ATAD2: variants seen among roughly 807,000 people sequenced by gnomAD.
ATAD2 encodes ATPase family AAA domain-containing protein 2.
ATAD2 carries 62 observed loss-of-function variants against 168.9 expected under a neutral mutation model. The observed-to-expected ratio is 0.37, with a 90% CI of 0.30 to 0.45. The LOEUF is 0.45. ATAD2 is among the 20% of genes least tolerant of loss of function. The pLI is 1.00. For missense variants in ATAD2, 1,419 were observed against 1,667.8 expected, an observed-to-expected ratio of 0.85 and a Z score of 2.60; for synonymous variants, 613 against 571.6, an observed-to-expected ratio of 1.07 and a Z score of -1.03.
chr8:123,386,855 C>T (rs559941392), intron 1 of ATAD2, among the ~76,000 whole-genome samples: 11 of 150,868 alleles, frequency 7.3e-5, no homozygotes, highest in Middle Eastern at 3.4e-3. Context: ...GCATAGTGAA[C>T]GGCTTGTCAT....
intron 11 of ATAD2, among the ~76,000 whole-genome samples, chr8:123,358,367 CAG>C (rs1372645970): frequency 1.3e-5 from 2 of 151,130 alleles, no homozygotes; most frequent in Admixed American, 6.6e-5. Flanking sequence ...TTTTTTGAGA[CAG>C]AGTCTTGCTG....
chr8:123,378,437 C>T (rs1362627851), intron 2 of ATAD2, among the ~76,000 whole-genome samples: 2 of 152,116 alleles, frequency 1.3e-5, no homozygotes, highest in Non-Finnish European at 2.9e-5. Context: ...CGCAGTAGCT[C>T]ACACCTGTAA....
chr8:123,385,567 C>T (rs1210933515), intron 1 of ATAD2, among the ~76,000 whole-genome samples: 1 of 152,000 alleles, frequency 6.6e-6, no homozygotes, highest in East Asian at 1.9e-4. Context: ...AATTTAGGAA[C>T]TCTTAGGAGA....
intron 12 of ATAD2, 94 bp from the exon 13 acceptor site, chr8:123,356,571 T>C (rs1446284508): frequency 1.3e-6 from 1 of 749,586 alleles, no homozygotes. Flanking sequence ...CATTCAAATA[T>C]GCTTAACAGA....
chr8:123,334,587 A>G (rs971708212), intron 22 of ATAD2, among the ~76,000 whole-genome samples: 11 of 152,364 alleles, frequency 7.2e-5, no homozygotes, highest in Admixed American at 4.6e-4. Flanking sequence ...GAAAAAAAAA[A>G]GGAATCAATC....
intron 24 of ATAD2, among the ~76,000 whole-genome samples, chr8:123,330,466 G>A (rs1338221056): frequency 1.3e-5 from 2 of 152,016 alleles, no homozygotes; most frequent in African/African-American, 2.4e-5. Flanking sequence ...CTGGTCTCAC[G>A]CCATTCTCCT....
chr8:123,327,202 C>T (rs532810587), intron 25 of ATAD2, among the ~76,000 whole-genome samples: 8 of 152,274 alleles, frequency 5.3e-5, no homozygotes, highest in African/African-American at 1.9e-4. Context: ...CCACGCCTGA[C>T]CGTGAAGAGA....
At position 123,371,557 on chromosome 8, in the gene ATAD2, C is replaced by T. The variant is rs573663980; in HGVS notation, c.536+113G>A. ...GACCTCTGATAATCATTCTCCTGTA[C>T]GCTTTACGTAGTAGAATGCATTAAA... is the stretch of plus-strand genomic sequence containing the variant. On this transcript the variant is annotated intron_variant, in intron 4 of 27. Transcript: ENST00000287394. 9.0e-5 allele frequency: 86 copies of T among 958,018 alleles called. No homozygotes were observed. The African/African-American group carries it at 9.1e-4, about 10-fold the overall frequency. The allele number at this position is 958,018 out of a possible 1,614,324, so 59.3% of individuals were successfully genotyped here. A position where few individuals can be genotyped will look rare whatever the true frequency, so the allele number is the denominator to read the frequency against.
intron 25 of ATAD2, 152 bp downstream of exon 25, chr8:123,328,038 A>G: frequency 1.7e-6 from 1 of 586,506 alleles, no homozygotes; most frequent in Non-Finnish European, 2.6e-6. Flanking sequence ...TTACTAGCTC[A>G]ATAGTAAAGA....
chr8:123,380,373 G>A (rs1216342666), intron 2 of ATAD2, among the ~76,000 whole-genome samples, 156 bp downstream of exon 2: 1 of 152,044 alleles, frequency 6.6e-6, no homozygotes, highest in African/African-American at 2.4e-5. Context: ...TTTTAATTTA[G>A]TCATACTCAC....
At chr8:123,404,721 C>T (rs1006959119) in intron 1 of ATAD2, among the ~76,000 whole-genome samples, 4 of 152,098 alleles carry the variant, frequency 2.6e-5, no homozygotes, top group African/African-American at 9.7e-5. Context: ...CGCCCGCCAC[C>T]ACGCCTGGCT....
Position 123,346,660 on chromosome 8 carries a change from G to C in ATAD2, c.2303C>G (p.Ser768Cys), listed in dbSNP as rs766994411. Reference sequence around the variant, plus strand: ...ATTAAAATTGTCTTTTGCCTTATGAGAAGATTTCTGAGAAAGTCCATTTTC... The same window carrying C: ...ATTAAAATTGTCTTTTGCCTTATGACAAGATTTCTGAGAAAGTCCATTTTC... ...VYENGLSQKS[S>C]HKAKDNFNFL... The change falls in exon 17 of 28, where the codon TCT becomes TGT. Residue 768 changes from serine to cysteine, a missense_variant. By Grantham distance (112) the Ser-to-Cys change is moderately radical. Around this residue, in one of 5 missense-constraint regions of ATAD2, gnomAD observed 545 missense variants for 724.9 expected, o/e 0.75. Coordinates refer to ENST00000287394, the MANE Select transcript of ATAD2 (RefSeq NM_014109.4). 14 of 1,583,754 alleles carry C rather than the reference G, an allele frequency of 8.8e-6. No homozygotes were observed. The East Asian group carries it at 2.7e-4, about 31-fold the overall frequency.
At chr8:123,354,761 C>T (rs1227871061) in intron 13 of ATAD2, among the ~76,000 whole-genome samples, 3 of 138,450 alleles carry the variant, frequency 2.2e-5, no homozygotes, top group African/African-American at 8.2e-5. Flanking sequence ...TCGCTGGAAC[C>T]TGGGAGATGG....
Position 123,337,797 on chromosome 8 carries a change from G to C in ATAD2, c.2879C>G (p.Pro960Arg). ...TCTTGGCTCAGGTGGTGGTGCTACT[G>C]GGAGTACCTCCAAAGCCTGCAAAAC... is the stretch of plus-strand genomic sequence containing the variant. The part of the protein sequence containing the change: ...KAVLQALEVL[P>R]VAPPPEPRSL... The change falls in exon 21 of 28, where the codon CCA (proline) becomes CGA (arginine). Residue 960 changes from proline (P) to arginine (R), a missense_variant. This residue lies in a region of ATAD2 where 545 missense variants were observed against 724.9 expected (regional missense o/e 0.75). Transcript: ENST00000287394. 6.2e-7 allele frequency: 1 copy of C among 1,608,844 alleles called. No homozygotes were observed. Among genetic ancestry groups the C allele is most frequent in the Non-Finnish European group, 8.5e-7 (1 of 1,177,850 alleles).
At chr8:123,406,812 G>A (rs1427855147) in intron 1 of ATAD2, among the ~76,000 whole-genome samples, 2 of 55,958 alleles carry the variant, frequency 3.6e-5, no homozygotes, top group African/African-American at 6.3e-5. Flanking sequence ...GTGAGACCCT[G>A]TCTCAAAAAA....
chr8:123,322,602 G>A (rs1330088772), intron 27 of ATAD2, among the ~76,000 whole-genome samples: 1 of 152,188 alleles, frequency 6.6e-6, no homozygotes, highest in East Asian at 1.9e-4. Context: ...CTTGGAGGTG[G>A]AGGCTGCAGT....
chr8:123,384,111 CTGAA>C (rs1272775828), intron 1 of ATAD2, among the ~76,000 whole-genome samples: 1 of 150,314 alleles, frequency 6.7e-6, no homozygotes, highest in Non-Finnish European at 1.5e-5. Context: ...AAGAAAAAAA[CTGAA>C]TGACTAAAGA....
intron 19 of ATAD2, chr8:123,342,273 T>C (rs531160323): frequency 6.0e-4 from 91 of 152,260 alleles, no homozygotes; most frequent in African/African-American, 2.1e-3. Flanking sequence ...ATATACCATA[T>C]CCTGTTTAAT....
chr8:123,330,604 C>T (rs769461566), intron 24 of ATAD2, among the ~76,000 whole-genome samples: 21 of 152,208 alleles, frequency 1.4e-4, no homozygotes, highest in African/African-American at 4.8e-5. Context: ...CCTCGTGATC[C>T]GCCCACCCTG....
Sources: allele counts gnomAD v4.1 joint callset (sites outside exome capture counted in the v4.1 genomes callset), GRCh38; gene constraint gnomAD v4.1.1; regional missense constraint gnomAD v4.1.1; transcripts MANE v1.5; gene names NCBI Gene and HGNC (gene_info 2026-07-23, HGNC 2026-07-21).